Variants in DPF3 observed in about 807,000 individuals in gnomAD.
DPF3 encodes the protein zinc finger protein DPF3.
Under a neutral mutation model 56.8 loss-of-function variants are expected in DPF3, and 18 were observed. The observed-to-expected ratio is 0.32, with a 90% CI of 0.22 to 0.47. The LOEUF is 0.47. DPF3 is among the 20% of genes least tolerant of loss of function. The pLI is 1.00. For missense variants in DPF3, 403 were observed against 488.8 expected (o/e 0.82, Z 1.65); for synonymous variants, 188 against 180.2 (o/e 1.04, Z -0.35).
intron 8 of DPF3, among the ~76,000 whole-genome samples, chr14:72,639,748 A>G (rs911221937): frequency 5.9e-5 from 9 of 152,220 alleles, no homozygotes; most frequent in Non-Finnish European, 1.3e-4. Flanking sequence ...CTTGGGCCAG[A>G]GGCACCCAGA....
intron 2 of DPF3, among the ~76,000 whole-genome samples, chr14:72,765,211 C>G (rs985708691): frequency 2.0e-5 from 3 of 152,186 alleles, no homozygotes; most frequent in African/African-American, 7.2e-5. Context: ...TACTATATAT[C>G]TATTAGAATG....
chr14:72,879,850 G>C lies in DPF3; in HGVS notation c.32+14207C>G, dbSNP rs1599521006. On this transcript the variant is annotated intron_variant, in intron 1 of 10. Transcript: ENST00000556509. ...GGGCATCCAGAGATGGGCTCTTCCA[G>C]GTCTGTGAACCCCATAAAACCATAG... 1.8e-5 allele frequency: 28 copies of C among 1,535,582 alleles called. No individual in the cohort carries two copies. In the East Asian group the frequency reaches 6.8e-4, roughly 38 times the overall value.
intron 1 of DPF3, among the ~76,000 whole-genome samples, chr14:72,880,857 T>A (rs1246782092): frequency 6.6e-6 from 1 of 152,244 alleles, no homozygotes; most frequent in Admixed American, 6.5e-5. Context: ...AGTGTTCTGC[T>A]GGTTGTATGT....
chr14:72,839,052 C>G (rs1212906646), intron 1 of DPF3, among the ~76,000 whole-genome samples: 1 of 150,326 alleles, frequency 6.7e-6, no homozygotes, highest in Non-Finnish European at 1.5e-5. Context: ...CCCTGAGTAG[C>G]TGGGATTACA....
At chr14:72,625,211 C>G (rs1462697619) in intron 9 of DPF3, among the ~76,000 whole-genome samples, 1 of 152,134 alleles carries the variant, frequency 6.6e-6, no homozygotes, top group African/African-American at 2.4e-5. Context: ...TCCCCTTTCC[C>G]TCTACATTTA....
intron 8 of DPF3, among the ~76,000 whole-genome samples, chr14:72,665,890 G>A (rs186781039): frequency 3.3e-5 from 5 of 152,296 alleles, no homozygotes; most frequent in East Asian, 3.9e-4. Context: ...TTTTGTAAGT[G>A]TAAATTATTT....
chr14:72,777,463 C>T (rs951401821), intron 1 of DPF3, among the ~76,000 whole-genome samples: 4 of 152,158 alleles, frequency 2.6e-5, no homozygotes, highest in Non-Finnish European at 4.4e-5. Context: ...TGAATTGTGT[C>T]GTTCCTCCTC....
chr14:72,704,575 C>T lies in DPF3; in HGVS notation c.604+9848G>A, dbSNP rs555497533. On this transcript the variant is annotated intron_variant, in intron 6 of 10. Coordinates refer to ENST00000556509, the MANE Select transcript of DPF3 (RefSeq NM_001280542.3). ...CCACCTACAATGTCAGTGTAAGCTCCTCAGTGCCTTAGAGGAAACAACAAC... is the reference window on the plus strand; with the variant it reads ...CCACCTACAATGTCAGTGTAAGCTCTTCAGTGCCTTAGAGGAAACAACAAC... 1.7e-4 allele frequency among the ~76,000 whole-genome samples: 26 copies of T among 152,302 alleles called. 1 individual carries two copies. The South Asian group carries it at 5.2e-3, about 30-fold the overall frequency.
Position 72,663,166 on chromosome 14 carries a change from CAAAAA to C in DPF3, c.871+11069_871+11073del, listed in dbSNP as rs56335418. ...TGTAGCAGGCAGAACTGGGTGTTAG[CAAAAA>C]AAAAAAAAAAAAATTCCCCTCCACT... On this transcript the variant is annotated intron_variant, in intron 8 of 10. Transcript: ENST00000556509. Among the ~76,000 whole-genome samples, 4 of 88,544 alleles carry C rather than the reference CAAAAA, an allele frequency of 4.5e-5. No homozygotes were observed. In the East Asian group the frequency reaches 1.7e-3, roughly 38 times the overall value. 58.1% of individuals were successfully genotyped at this position (88,544 alleles called of 152,430 possible).
At chr14:72,643,315 A>G (rs1885615500) in intron 8 of DPF3, among the ~76,000 whole-genome samples, 1 of 152,166 alleles carries the variant, frequency 6.6e-6, no homozygotes, top group Non-Finnish European at 1.5e-5. Flanking sequence ...ATAAGGGTGA[A>G]CTAGCTGTCC....
At chr14:72,792,952 A>G (rs1407940127) in intron 1 of DPF3, among the ~76,000 whole-genome samples, 1 of 152,104 alleles carries the variant, frequency 6.6e-6, no homozygotes, top group African/African-American at 2.4e-5. Context: ...AACACTGCTG[A>G]AACACAGAAC....
chr14:72,880,735 G>A (rs1390467628), intron 1 of DPF3, among the ~76,000 whole-genome samples: 1 of 152,112 alleles, frequency 6.6e-6, no homozygotes, highest in African/African-American at 2.4e-5. Context: ...TTTTCTATGG[G>A]ATTTTGCCCT....
chr14:72,681,685 A>G (rs537442220), intron 7 of DPF3, among the ~76,000 whole-genome samples: 4 of 152,236 alleles, frequency 2.6e-5, no homozygotes, highest in African/African-American at 9.6e-5. Context: ...AAAAGCAGAA[A>G]ACATATCCAC....
intron 8 of DPF3, among the ~76,000 whole-genome samples, chr14:72,652,286 T>G (rs1249655468): frequency 2.6e-5 from 4 of 152,164 alleles, no homozygotes; most frequent in Admixed American, 2.6e-4. Flanking sequence ...CTTCCCAGGC[T>G]TGGAGAGGCG....
intron 8 of DPF3, among the ~76,000 whole-genome samples, chr14:72,630,915 C>T (rs1172440499): frequency 2.6e-5 from 4 of 152,148 alleles, no homozygotes; most frequent in South Asian, 2.1e-4. Flanking sequence ...TGGTTAGCAC[C>T]GCCAACCTAG....
Position 72,756,706 on chromosome 14 carries a change from G to A in DPF3, c.194-3335C>T, listed in dbSNP as rs1890805036. ...GCATGCCTGTAATCTCAGCTATTCG[G>A]GAGGCTGAGGCAGGAGAATTGCTTG... On this transcript the variant is annotated intron_variant, in intron 2 of 10. Coordinates refer to ENST00000556509, the MANE Select transcript of DPF3 (RefSeq NM_001280542.3). 2.0e-5 allele frequency among the ~76,000 whole-genome samples: 3 copies of A among 151,558 alleles called. No homozygotes were observed. The South Asian group carries it at 6.3e-4, about 32-fold the overall frequency.
Position 72,779,359 on chromosome 14 carries a change from C to T in DPF3, c.33-7466G>A, listed in dbSNP as rs192404114. ...CAGCACTGGGTGGCCTAACTGCAAG[C>T]GCTATAGCCCTACTCTTACCCATCC... On this transcript the variant is annotated intron_variant, in intron 1 of 10. Coordinates refer to ENST00000556509, the MANE Select transcript of DPF3 (RefSeq NM_001280542.3). 1.1e-4 allele frequency among the ~76,000 whole-genome samples: 17 copies of T among 152,326 alleles called. No homozygotes were observed. The East Asian group carries it at 2.3e-3, about 21-fold the overall frequency.
rs200602274 is a variant in DPF3, at chr14:72,714,445, G to T, written c.582C>A (p.His194Gln). ...RRHDAASQED[H>Q]DKPYVCDICG... The stretch of plus-strand genomic sequence containing the variant: ...TACTGTCACAGACGTAAGGTTTGTC[G>T]TGGTCTTCCTGAGAGGCGGCGTCGT... Residue 194 changes from histidine to glutamine, a missense_variant, in exon 6 of 11, where the codon CAC becomes CAA. His to Gln is a conservative substitution (Grantham distance 24). This residue lies in a region of DPF3 where 340 missense variants were observed against 374.3 expected (regional missense o/e 0.91). Transcript: ENST00000556509. The T allele has an allele frequency of 7.2e-5, 116 of 1,613,892 alleles. No individual in the cohort carries two copies. The highest frequency in any genetic ancestry group is 2.1e-4 in the South Asian group (19 of 91,082).
chr14:72,891,782 T>C (rs75701277), intron 1 of DPF3, among the ~76,000 whole-genome samples: 3,965 of 152,172 alleles, frequency 0.026, 86 homozygotes, highest in Non-Finnish European at 0.044. Flanking sequence ...TAGCTAATTA[T>C]AAATGACCAA....
Sources: gnomAD v4.1 joint callset for allele counts (sites outside exome capture counted in the v4.1 genomes callset) on GRCh38, gnomAD v4.1.1 for gene constraint, gnomAD v4.1.1 regional missense constraint, MANE v1.5 for transcripts, NCBI Gene and HGNC (gene_info 2026-07-23, HGNC 2026-07-21) for gene names.